NF1: variants seen among roughly 807,000 people sequenced by gnomAD.
NF1 encodes neurofibromin 1, also known as neurofibromin.
NF1 carries 122 observed loss-of-function variants against 325.7 expected under a neutral mutation model. The ratio of observed to expected loss-of-function variants is 0.37; its 90% CI spans 0.32 to 0.44. The LOEUF is 0.44. Ranked by LOEUF, NF1 falls within the 20% of genes least tolerant of loss-of-function variation. NF1 has a pLI of 1.00. For synonymous variants in NF1, 1,091 were observed against 1,186.0 expected (o/e 0.92, Z 1.65); for missense variants, 2,140 against 3,415.4 (o/e 0.63, Z 9.31).
chr17:31,183,707 CA>C (rs972368007), intron 8 of NF1, among the ~76,000 whole-genome samples: 1 of 152,168 alleles, frequency 6.6e-6, no homozygotes, highest in African/African-American at 2.4e-5. Context: ...CTGGGAAAGG[CA>C]GACCCACCCT....
At chr17:31,163,111 T>C in intron 3 of NF1, 75 bp from the exon 4 acceptor site, 1 of 1,466,150 alleles carries the variant, frequency 6.8e-7, no homozygotes, top group South Asian at 1.2e-5. Context: ...TGTGTGTGTG[T>C]TTGAAAATTT....
intron 1 of NF1, among the ~76,000 whole-genome samples, chr17:31,134,516 A>G (rs906936482): frequency 6.6e-6 from 1 of 152,214 alleles, no homozygotes; most frequent in African/African-American, 2.4e-5. Flanking sequence ...CGTTTTGTAC[A>G]ACAAACATTT....
chr17:31,336,799 C>T lies in NF1; in HGVS notation c.6312C>T (p.Phe2104=), dbSNP rs780728198. The part of the protein sequence containing the change: ...LDVAAHLPYL[F]HVVTFLVATG... ...TGGCAGCTCATCTTCCCTACCTCTT[C>T]CACGTTGTTACTTTCTTAGTAGCCA... Residue 2104 remains phenylalanine, a synonymous_variant, in exon 42 of 58, where the codon TTC becomes TTT. Coordinates refer to ENST00000358273, the MANE Select transcript of NF1 (RefSeq NM_001042492.3). This position sits in a 1 kb window ranked among gnomAD's most constrained non-coding sequence, Gnocchi z 5.5. 6.2e-7 allele frequency: 1 copy of T among 1,614,080 alleles called. No homozygotes were observed. The highest frequency in any genetic ancestry group is 1.1e-5 in the South Asian group (1 of 91,076).
At chr17:31,258,216 G>C in intron 31 of NF1, 128 bp from the exon 32 acceptor site, 1 of 962,424 alleles carries the variant, frequency 1.0e-6, no homozygotes, top group Non-Finnish European at 1.6e-6. Context: ...GAAAAAAATA[G>C]AAATATGTCA....
At chr17:31,175,713 T>C (rs2953003) in intron 5 of NF1, among the ~76,000 whole-genome samples, 81,033 of 151,438 alleles carry the variant, frequency 0.54, 25,498 homozygotes, top group Middle Eastern at 0.75. Context: ...TGCGTGATGG[T>C]CCTCTCCCTG....
chr17:31,236,164 C>G, intron 29 of NF1, 143 bp downstream of exon 29: 1 of 644,382 alleles, frequency 1.6e-6, no homozygotes, highest in Non-Finnish European at 2.7e-6. Context: ...TATACAAATA[C>G]ACGTTTCTTT....
intron 30 of NF1, among the ~76,000 whole-genome samples, chr17:31,249,372 G>A (rs557022995): frequency 6.6e-6 from 1 of 152,318 alleles, no homozygotes; most frequent in African/African-American, 2.4e-5. Context: ...TTAAAATGCA[G>A]TGAATCCATT....
At chr17:31,166,853 C>T (rs2065855326) in intron 4 of NF1, among the ~76,000 whole-genome samples, 1 of 152,080 alleles carries the variant, frequency 6.6e-6, no homozygotes, top group Admixed American at 6.6e-5. Flanking sequence ...AGATCAAAAA[C>T]CTCACTCATC....
intron 38 of NF1, among the ~76,000 whole-genome samples, chr17:31,329,427 C>T (rs1255130966): frequency 6.6e-6 from 1 of 152,178 alleles, no homozygotes; most frequent in Non-Finnish European, 1.5e-5. Flanking sequence ...GACTTAAATT[C>T]CAGTGGCTTT....
intron 8 of NF1, among the ~76,000 whole-genome samples, chr17:31,194,097 T>C (rs2066394063): frequency 6.6e-6 from 1 of 152,208 alleles, no homozygotes; most frequent in Non-Finnish European, 1.5e-5. Flanking sequence ...CCATGTTTAT[T>C]GCAGCACTAT....
intron 1 of NF1, among the ~76,000 whole-genome samples, chr17:31,125,006 C>G (rs1914759991): frequency 6.6e-6 from 1 of 151,420 alleles, no homozygotes; most frequent in African/African-American, 2.4e-5. Flanking sequence ...GAACTCTTAT[C>G]AATTCACAGA....
intron 3 of NF1, among the ~76,000 whole-genome samples, chr17:31,160,231 A>G (rs1369777625): frequency 6.6e-6 from 1 of 152,104 alleles, no homozygotes; most frequent in African/African-American, 2.4e-5. Context: ...GATTACAGGC[A>G]TGTACCACCA....
At chr17:31,304,884 A>C in intron 36 of NF1, 1 of 1,614,148 alleles carries the variant, frequency 6.2e-7, no homozygotes, top group African/African-American at 1.3e-5. Flanking sequence ...CAGCAAATGG[A>C]GATCTACCTG....
At chr17:31,252,604 A>G in intron 30 of NF1, 1 of 295,474 alleles carries the variant, frequency 3.4e-6, no homozygotes, top group Non-Finnish European at 6.4e-6. Context: ...AATATTTTAT[A>G]TTACATTTCT....
intron 36 of NF1, among the ~76,000 whole-genome samples, chr17:31,280,681 G>C (rs1028316976): frequency 2.6e-5 from 4 of 151,920 alleles, no homozygotes; most frequent in Non-Finnish European, 4.4e-5. Flanking sequence ...ATTTGTCACC[G>C]GTATTTTACC....
At chr17:31,311,793 C>T (rs564366501) in intron 36 of NF1, among the ~76,000 whole-genome samples, 4 of 152,234 alleles carry the variant, frequency 2.6e-5, no homozygotes, top group East Asian at 3.9e-4. Flanking sequence ...GTGCCAGAAC[C>T]GTTTCTTTCT....
At chr17:31,313,705 C>CA (rs371438778) in intron 36 of NF1, among the ~76,000 whole-genome samples, 15,666 of 112,508 alleles carry the variant, frequency 0.14, 2,293 homozygotes, top group African/African-American at 0.38. Flanking sequence ...GACTCTATCT[C>CA]AAAAAAAAAA....
At chr17:31,231,458 A>G (rs1567850390) in intron 24 of NF1, among the ~76,000 whole-genome samples, 1 of 152,248 alleles carries the variant, frequency 6.6e-6, no homozygotes, top group East Asian at 1.9e-4. Flanking sequence ...CTTCTCTGTC[A>G]GGGATTGGTT....
At chr17:31,202,336 T>C (rs1035266043) in intron 11 of NF1, among the ~76,000 whole-genome samples, 2 of 152,232 alleles carry the variant, frequency 1.3e-5, no homozygotes, top group Admixed American at 6.5e-5. Context: ...TTGACCTGTT[T>C]ATAATCAAAT....
Sources: allele counts gnomAD v4.1 joint callset (sites outside exome capture counted in the v4.1 genomes callset), GRCh38; gene constraint gnomAD v4.1.1; non-coding constraint Gnocchi (gnomAD v3.1); transcripts MANE v1.5; gene names NCBI Gene and HGNC (gene_info 2026-07-23, HGNC 2026-07-21).